The following NGLY1 variants were observed in gnomAD, a reference collection of about 807,000 sequenced individuals.
NGLY1 encodes peptide-N(4)-(N-acetyl-beta-glucosaminyl)asparagine amidase.
In NGLY1, 68 loss-of-function variants were observed where a neutral mutation model predicts 84.6. The observed-to-expected ratio is 0.80, with a 90% CI of 0.66 to 0.98. The LOEUF (loss-of-function observed/expected upper bound fraction) is 0.98, where lower values mean the gene tolerates loss of function less well. Ranked by LOEUF, NGLY1 falls within the 50% of genes least tolerant of loss-of-function variation. NGLY1 has a pLI of 0.00. For missense variants in NGLY1, 779 were observed against 770.2 expected (o/e 1.01, Z -0.14); for synonymous variants, 280 against 275.2 (o/e 1.02, Z -0.17).
intron 10 of NGLY1, among the ~76,000 whole-genome samples, chr3:25,721,446 T>C (rs1246085980): frequency 2.0e-5 from 3 of 152,146 alleles, no homozygotes; most frequent in African/African-American, 4.8e-5. Context: ...GTCTAATCTA[T>C]TAGCTTTAAA....
chr3:25,762,127 C>T (rs1359028781), intron 3 of NGLY1, among the ~76,000 whole-genome samples: 3 of 151,608 alleles, frequency 2.0e-5, no homozygotes, highest in South Asian at 2.1e-4. Flanking sequence ...ACTTATACAT[C>T]GACATTTTAC....
At chr3:25,730,014 C>CT (rs1705460764) in intron 9 of NGLY1, 1 of 152,068 alleles carries the variant, frequency 6.6e-6, no homozygotes, top group South Asian at 2.1e-4. Context: ...AGTCCTCAAC[C>CT]ATTTCCTCAG....
chr3:25,782,547 G>A (rs551187249), intron 1 of NGLY1, among the ~76,000 whole-genome samples: 1 of 152,226 alleles, frequency 6.6e-6, no homozygotes, highest in African/African-American at 2.4e-5. Flanking sequence ...TAGACCTCTA[G>A]AAGTGCAATT....
chr3:25,781,143 G>A (rs554152883), intron 1 of NGLY1, among the ~76,000 whole-genome samples: 138 of 152,136 alleles, frequency 9.1e-4, no homozygotes, highest in Admixed American at 4.1e-3. Flanking sequence ...TAGAGACGGG[G>A]TTTAGCCATG....
At chr3:25,748,747 T>A (rs1384877875) in intron 4 of NGLY1, among the ~76,000 whole-genome samples, 1 of 152,180 alleles carries the variant, frequency 6.6e-6, no homozygotes, top group African/African-American at 2.4e-5. Context: ...TCTATTCATA[T>A]GGATTAATTC....
chr3:25,733,320 C>A (rs1705637249), intron 8 of NGLY1, among the ~76,000 whole-genome samples: 1 of 152,128 alleles, frequency 6.6e-6, no homozygotes, highest in Non-Finnish European at 1.5e-5. Context: ...AAAAAACCCA[C>A]ATGTATAGAG....
At chr3:25,780,245 T>C (rs1380814963) in intron 1 of NGLY1, among the ~76,000 whole-genome samples, 1 of 152,238 alleles carries the variant, frequency 6.6e-6, no homozygotes, top group African/African-American at 2.4e-5. Flanking sequence ...CTTTTCTCAG[T>C]GGAGTTTCCT....
At chr3:25,722,166 G>A (rs150332539) in intron 10 of NGLY1, among the ~76,000 whole-genome samples, 61 of 151,758 alleles carry the variant, frequency 4.0e-4, no homozygotes, top group African/African-American at 1.3e-3. Flanking sequence ...TGCAGTGAGC[G>A]GGATGGTGCC....
At chr3:25,755,754 C>CAG in intron 3 of NGLY1, 4 of 865,420 alleles carry the variant, frequency 4.6e-6, no homozygotes, top group Non-Finnish European at 7.1e-6. Flanking sequence ...CTAGAATATT[C>CAG]TAGATCTTCT....
At chr3:25,756,351 A>G (rs964353607) in intron 3 of NGLY1, among the ~76,000 whole-genome samples, 1 of 152,140 alleles carries the variant, frequency 6.6e-6, no homozygotes. Flanking sequence ...TTTTTAAAAC[A>G]TTCTCTATAT....
chr3:25,736,109 C>T lies in NGLY1; in HGVS notation c.1044G>A (p.Arg348=). 1 of 1,613,866 alleles carries T rather than the reference C, an allele frequency of 6.2e-7. No homozygotes were observed. The highest frequency in any genetic ancestry group is 8.5e-7 in the Non-Finnish European group (1 of 1,179,930). ...CTTCACATGCATCACAGTGCAGCCA[C>T]CGCTGCTGAGAAGGAGAATAGACTT... ...WTEVYSPSQQ[R]WLHCDACEDV... The change falls in exon 7 of 12, where the codon CGG becomes CGA. Residue 348 remains arginine, a synonymous_variant. Transcript: ENST00000280700.
upstream of NGLY1, among the ~76,000 whole-genome samples, chr3:25,785,112 C>T (rs1232356768): frequency 1.1e-5 from 1 of 88,802 alleles, no homozygotes; most frequent in Non-Finnish European, 2.1e-5. Flanking sequence ...ATTTTATTTA[C>T]AAATCCAGGC....
chr3:25,782,901 C>T, intron 1 of NGLY1: 1 of 233,510 alleles, frequency 4.3e-6, no homozygotes, highest in Non-Finnish European at 8.6e-6. Context: ...ACCGTTGTGT[C>T]CCGATATCTG....
At chr3:25,781,396 G>A (rs574302459) in intron 1 of NGLY1, among the ~76,000 whole-genome samples, 8 of 152,244 alleles carry the variant, frequency 5.3e-5, no homozygotes, top group African/African-American at 1.9e-4. Flanking sequence ...TAAACTGACC[G>A]TGGTTTTGTG....
rs550320343 is a variant in NGLY1, at chr3:25,737,473, A to G, written c.882-18T>C. The stretch of plus-strand genomic sequence containing the variant: ...TATTATATCTGGTTTAAAAAGAAAA[A>G]AAACCTTAATTATCAAAATCAAGAT... On this transcript the variant is annotated intron_variant, in intron 5 of 11. Transcript: ENST00000280700. The G allele has an allele frequency of 8.4e-6, 13 of 1,555,822 alleles. No homozygotes were observed. In the African/African-American group the frequency reaches 1.7e-4, roughly 20 times the overall value.
chr3:25,761,956 CATACT>C (rs1707340305), intron 3 of NGLY1, among the ~76,000 whole-genome samples: 1 of 152,254 alleles, frequency 6.6e-6, no homozygotes, highest in African/African-American at 2.4e-5. Flanking sequence ...CAAAAGATTA[CATACT>C]ATAATTCTAT....
At chr3:25,785,699 A>G (rs948366356), upstream of NGLY1, among the ~76,000 whole-genome samples, 1 of 152,060 alleles carries the variant, frequency 6.6e-6, no homozygotes, top group African/African-American at 2.4e-5. Context: ...AAAACATAGG[A>G]AGATTGTCTA....
At chr3:25,789,619 T>C in intron 1 of NGLY1, 1 of 575,428 alleles carries the variant, frequency 1.7e-6, no homozygotes, top group South Asian at 2.2e-5. Flanking sequence ...GCATGGCATT[T>C]GGATGTACCA....
intron 1 of NGLY1, among the ~76,000 whole-genome samples, chr3:25,782,508 T>C (rs926106586): frequency 6.6e-6 from 1 of 152,118 alleles, no homozygotes; most frequent in Non-Finnish European, 1.5e-5. Flanking sequence ...CAAACTTGCC[T>C]CCCAATTCCC....
Sources: allele counts gnomAD v4.1 joint callset (sites outside exome capture counted in the v4.1 genomes callset), GRCh38; gene constraint gnomAD v4.1.1; transcripts MANE v1.5; gene names NCBI Gene and HGNC (gene_info 2026-07-23, HGNC 2026-07-21).